The following PTPRM variants were observed in gnomAD, a reference collection of about 807,000 sequenced individuals.
PTPRM encodes the protein protein tyrosine phosphatase receptor type M.
PTPRM carries 47 observed loss-of-function variants against 186.7 expected under a neutral mutation model. The observed-to-expected ratio is 0.25, with a 90% confidence interval of 0.20 to 0.32. The LOEUF is 0.32. Ranked by LOEUF, PTPRM falls within the 10% of genes least tolerant of loss-of-function variation. The probability of loss-of-function intolerance (pLI) is 1.00; values close to 1 mark genes in which losing one functional copy is unlikely to be tolerated. For synonymous variants in PTPRM, 668 were observed against 674.9 expected (o/e 0.99, Z 0.16); for missense variants, 1,494 against 1,865.0 (o/e 0.80, Z 3.66).
intron 11 of PTPRM, among the ~76,000 whole-genome samples, chr18:8,093,876 C>A (rs1393331574): frequency 6.6e-6 from 1 of 152,146 alleles, no homozygotes; most frequent in African/African-American, 2.4e-5. Context: ...GTATTACTTA[C>A]GTAACTTAAC....
chr18:7,957,968 CT>C (rs1462800053), intron 7 of PTPRM, among the ~76,000 whole-genome samples: 2 of 152,128 alleles, frequency 1.3e-5, no homozygotes, highest in African/African-American at 4.8e-5. Context: ...GGAAAACATC[CT>C]TGGCCAGGGG....
At chr18:8,383,157 G>A (rs914064613) in intron 29 of PTPRM, among the ~76,000 whole-genome samples, 1 of 151,672 alleles carries the variant, frequency 6.6e-6, no homozygotes, top group Non-Finnish European at 1.5e-5. Flanking sequence ...AATTAGCCGG[G>A]CGTGGTGGCG....
chr18:8,382,761 C>T (rs2095745110), intron 29 of PTPRM, among the ~76,000 whole-genome samples: 1 of 152,170 alleles, frequency 6.6e-6, no homozygotes, highest in South Asian at 2.1e-4. Context: ...TGAAAACTAT[C>T]CTGCAATCTT....
chr18:7,887,349 A>G (rs2048840671), intron 2 of PTPRM, among the ~76,000 whole-genome samples: 2 of 152,178 alleles, frequency 1.3e-5, no homozygotes, highest in Non-Finnish European at 2.9e-5. Flanking sequence ...TCAAGATCCA[A>G]AGAGCTCGTG....
At chr18:7,694,407 G>C (rs894696149) in intron 1 of PTPRM, among the ~76,000 whole-genome samples, 2 of 149,996 alleles carry the variant, frequency 1.3e-5, no homozygotes, top group African/African-American at 4.9e-5. Context: ...AGGAAACGTA[G>C]GAAACTCCCT....
chr18:8,147,526 T>C (rs1395843684), intron 14 of PTPRM, among the ~76,000 whole-genome samples: 2 of 152,250 alleles, frequency 1.3e-5, no homozygotes, highest in Non-Finnish European at 2.9e-5. Context: ...AAGTTACTTA[T>C]CAGCTTAAGG....
intron 6 of PTPRM, among the ~76,000 whole-genome samples, chr18:7,951,750 G>T (rs1340708100): frequency 6.6e-6 from 1 of 151,964 alleles, no homozygotes; most frequent in African/African-American, 2.4e-5. Flanking sequence ...TTTTTAATGA[G>T]ATAACATGCT....
chr18:7,781,252 C>G, intron 2 of PTPRM, among the ~76,000 whole-genome samples: 1 of 151,620 alleles, frequency 6.6e-6, no homozygotes, highest in East Asian at 1.9e-4. Context: ...ATTAAAAAGC[C>G]CCAAGCTGAA....
At chr18:8,052,111 T>C (rs150749683) in intron 7 of PTPRM, among the ~76,000 whole-genome samples, 9 of 152,174 alleles carry the variant, frequency 5.9e-5, no homozygotes, top group African/African-American at 2.2e-4. Context: ...TCTGCATTCC[T>C]AGTAAGCTTC....
chr18:7,688,195 C>T (rs4127385), intron 1 of PTPRM, among the ~76,000 whole-genome samples: 7,580 of 152,174 alleles, frequency 0.05, 592 homozygotes, highest in African/African-American at 0.17. Flanking sequence ...CTTCCCAGCC[C>T]GGTAGCACTT....
Position 7,796,978 on chromosome 18 carries a change from C to T in PTPRM, c.196+22707C>T, listed in dbSNP as rs148477722. On this transcript the variant is annotated intron_variant, in intron 2 of 32. Coordinates refer to ENST00000580170, the MANE Select transcript of PTPRM (RefSeq NM_001105244.2). ...TTTCTTATATTTCACATCTGTGACA[C>T]GTATGCAGTGGCTGCATCACCATTG... Among the ~76,000 whole-genome samples the T allele has an allele frequency of 2.1e-3, 313 of 152,298 alleles. 1 individual carries two copies. Among genetic ancestry groups the T allele is most frequent in the Middle Eastern group, 6.8e-3 (2 of 294 alleles).
At chr18:7,745,762 T>C (rs1461426128) in intron 1 of PTPRM, among the ~76,000 whole-genome samples, 3 of 152,118 alleles carry the variant, frequency 2.0e-5, no homozygotes, top group Admixed American at 6.5e-5. Context: ...AAAAAGGAAT[T>C]GAGAGACATT....
chr18:7,648,773 C>A (rs1438559798), intron 1 of PTPRM, among the ~76,000 whole-genome samples: 1 of 152,180 alleles, frequency 6.6e-6, no homozygotes, highest in African/African-American at 2.4e-5. Flanking sequence ...GTTTCCAGAA[C>A]ATAAAAGTGC....
intron 19 of PTPRM, among the ~76,000 whole-genome samples, chr18:8,282,498 A>C (rs895528309): frequency 3.9e-5 from 6 of 152,124 alleles, no homozygotes; most frequent in African/African-American, 1.4e-4. Context: ...CCCTGTCTCT[A>C]CTAAAATACA....
chr18:7,802,195 G>A (rs919522536), intron 2 of PTPRM, among the ~76,000 whole-genome samples: 2 of 152,142 alleles, frequency 1.3e-5, no homozygotes, highest in Non-Finnish European at 2.9e-5. Flanking sequence ...ACCTTGGGCA[G>A]TCCACTCAGC....
At chr18:8,277,148 G>A (rs1259073015) in intron 19 of PTPRM, among the ~76,000 whole-genome samples, 1 of 152,082 alleles carries the variant, frequency 6.6e-6, no homozygotes, top group Non-Finnish European at 1.5e-5. Flanking sequence ...TGTTGGCAAG[G>A]CTGGTCTCGA....
chr18:7,804,826 C>T (rs1046696222), intron 2 of PTPRM, among the ~76,000 whole-genome samples: 1 of 152,170 alleles, frequency 6.6e-6, no homozygotes, highest in African/African-American at 2.4e-5. Flanking sequence ...ATCTCACTTC[C>T]AGTAAATGCT....
intron 1 of PTPRM, among the ~76,000 whole-genome samples, chr18:7,719,478 C>T (rs538630124): frequency 1.3e-4 from 20 of 151,800 alleles, no homozygotes; most frequent in African/African-American, 2.7e-4. Flanking sequence ...CAGAAATCAC[C>T]GCTGAAGAAC....
chr18:8,057,190 G>A (rs2088038343), intron 7 of PTPRM, among the ~76,000 whole-genome samples: 1 of 151,106 alleles, frequency 6.6e-6, no homozygotes, highest in South Asian at 2.1e-4. Flanking sequence ...TAGGAAGGTG[G>A]CAAAATTTTA....
Sources: allele counts gnomAD v4.1 joint callset (sites outside exome capture counted in the v4.1 genomes callset), GRCh38; gene constraint gnomAD v4.1.1; transcripts MANE v1.5; gene names NCBI Gene and HGNC (gene_info 2026-07-23, HGNC 2026-07-21).